Variants in CLYBL observed in about 807,000 individuals in gnomAD.
CLYBL encodes citramalyl-CoA lyase, also known as citramalyl-CoA lyase, mitochondrial.
CLYBL carries 31 observed loss-of-function variants against 38.9 expected under a neutral mutation model. The ratio of observed to expected loss-of-function variants is 0.80; its 90% CI spans 0.60 to 1.08. CLYBL has a LOEUF of 1.08. Ranked by LOEUF, CLYBL falls within the 50% of genes least tolerant of loss-of-function variation. The pLI, the probability that CLYBL is intolerant of heterozygous loss-of-function variation, is 0.00. For synonymous variants in CLYBL, 171 were observed against 158.6 expected (o/e 1.08, Z -0.59); for missense variants, 434 against 411.6 (o/e 1.05, Z -0.47).
chr13:99,702,764 G>A lies in CLYBL; in HGVS notation c.63-70060G>A, dbSNP rs188493734. Among the ~76,000 whole-genome samples the A allele has an allele frequency of 1.8e-3, 277 of 152,270 alleles. 1 individual carries two copies. The highest frequency in any genetic ancestry group is 6.3e-3 in the African/African-American group (261 of 41,554). On this transcript the variant is annotated intron_variant, in intron 1 of 8. Transcript: ENST00000339105. ...GGGCGAGGAGGAAAAAGATTAAGAT[G>A]CTCCTTGGAAAATAGCCCTTTTTGG...
chr13:99,693,504 C>T (rs72653912), intron 1 of CLYBL, among the ~76,000 whole-genome samples: 23,536 of 152,064 alleles, frequency 0.15, 2,104 homozygotes, highest in Non-Finnish European at 0.2. Flanking sequence ...TGCTGTGGGA[C>T]CTTCACCAGC....
chr13:99,854,504 G>A (rs895169159), intron 2 of CLYBL, among the ~76,000 whole-genome samples: 7 of 151,630 alleles, frequency 4.6e-5, no homozygotes, highest in Admixed American at 6.6e-5. Context: ...CTGCCGCCAC[G>A]GAGCTTGGTC....
intron 2 of CLYBL, among the ~76,000 whole-genome samples, chr13:99,829,894 A>C (rs749828610): frequency 9.2e-5 from 14 of 152,204 alleles, no homozygotes; most frequent in Non-Finnish European, 1.8e-4. Flanking sequence ...CACACTCAGG[A>C]AATATTGTTG....
intron 1 of CLYBL, among the ~76,000 whole-genome samples, chr13:99,715,086 G>A (rs2048292153): frequency 6.6e-6 from 1 of 152,192 alleles, no homozygotes; most frequent in African/African-American, 2.4e-5. Flanking sequence ...CCACATATCA[G>A]TGTCTGTAGG....
intron 2 of CLYBL, among the ~76,000 whole-genome samples, chr13:99,819,695 G>T (rs756781231): frequency 1.3e-5 from 2 of 151,546 alleles, no homozygotes; most frequent in Admixed American, 6.6e-5. Flanking sequence ...TGAAGGCCCC[G>T]CAGCCAGGAG....
At chr13:99,676,247 T>C (rs1419282256) in intron 1 of CLYBL, among the ~76,000 whole-genome samples, 2 of 151,212 alleles carry the variant, frequency 1.3e-5, no homozygotes, top group Non-Finnish European at 3.0e-5. Flanking sequence ...CTTTCCTCCC[T>C]TTCTTTTTCT....
chr13:99,837,914 C>T (rs532096422), intron 2 of CLYBL, among the ~76,000 whole-genome samples: 1 of 152,184 alleles, frequency 6.6e-6, no homozygotes, highest in African/African-American at 2.4e-5. Context: ...GCTTCTTAAC[C>T]ATAAATGAGA....
At chr13:99,901,660 TTG>T (rs2052646149), downstream of CLYBL, among the ~76,000 whole-genome samples, 2 of 108,460 alleles carry the variant, frequency 1.8e-5, no homozygotes, top group African/African-American at 8.4e-5. Context: ...TTTTTTTTGT[TTG>T]TTTGTTTGTT....
chr13:99,885,262 C>A (rs1236250986), intron 7 of CLYBL, among the ~76,000 whole-genome samples: 2 of 152,188 alleles, frequency 1.3e-5, no homozygotes, highest in African/African-American at 4.8e-5. Context: ...GGCCTCAAAA[C>A]ACTTCACAGA....
rs1178869414 is a variant in CLYBL, at chr13:99,787,807, C to T, written c.249+14797C>T. Among the ~76,000 whole-genome samples, 4 of 152,232 alleles carry T rather than the reference C, an allele frequency of 2.6e-5. No homozygotes were observed. The Middle Eastern group carries it at 0.01, about 388-fold the overall frequency. ...ACCTTGGGCAGTATGGCCATTTTCA[C>T]GATAAGATTCTTCCTATCCATGAGC... On this transcript the variant is annotated intron_variant, in intron 2 of 8. Transcript: ENST00000339105.
intron 1 of CLYBL, among the ~76,000 whole-genome samples, chr13:99,716,226 T>A (rs1489348751): frequency 3.7e-5 from 5 of 134,124 alleles, no homozygotes; most frequent in Non-Finnish European, 6.3e-5. Context: ...GGTCTCGCTA[T>A]GTTGCTCAGG....
At chr13:99,753,514 G>GT (rs1486453577) in intron 1 of CLYBL, among the ~76,000 whole-genome samples, 4 of 152,188 alleles carry the variant, frequency 2.6e-5, no homozygotes, top group African/African-American at 9.7e-5. Context: ...AGAGTAGGAT[G>GT]TAAGTCCCAT....
At chr13:99,785,553 TG>T (rs1365308857) in intron 2 of CLYBL, among the ~76,000 whole-genome samples, 4 of 151,914 alleles carry the variant, frequency 2.6e-5, no homozygotes, top group African/African-American at 9.7e-5. Flanking sequence ...CCCTTTTACC[TG>T]TTCTGGCTTA....
At chr13:99,897,477 T>C (rs1460988353), downstream of CLYBL, among the ~76,000 whole-genome samples, 1 of 151,864 alleles carries the variant, frequency 6.6e-6, no homozygotes, top group African/African-American at 2.4e-5. Context: ...ACTTCCAGAG[T>C]CAAGCTACCC....
intron 2 of CLYBL, among the ~76,000 whole-genome samples, chr13:99,851,603 A>G (rs1274939256): frequency 6.6e-6 from 1 of 152,194 alleles, no homozygotes; most frequent in East Asian, 1.9e-4. Context: ...TAGTCATGAG[A>G]GAAACACAAA....
intron 7 of CLYBL, chr13:99,884,897 A>AGTCC: frequency 4.4e-6 from 2 of 454,628 alleles, no homozygotes; most frequent in South Asian, 3.3e-5. Context: ...AGACAACTAC[A>AGTCC]GTCCCTTCCC....
intron 1 of CLYBL, among the ~76,000 whole-genome samples, chr13:99,670,403 C>T (rs1391999504): frequency 1.3e-5 from 2 of 152,184 alleles, no homozygotes; most frequent in African/African-American, 2.4e-5. Context: ...AAGTTCTTCA[C>T]CATCCAAGTT....
intron 1 of CLYBL, among the ~76,000 whole-genome samples, chr13:99,697,339 G>C (rs950742959): frequency 2.0e-5 from 3 of 152,080 alleles, no homozygotes; most frequent in African/African-American, 7.2e-5. Context: ...GTCTTCTTTC[G>C]TGCTGATGTT....
intron 1 of CLYBL, among the ~76,000 whole-genome samples, chr13:99,728,136 C>T (rs1205689412): frequency 2.6e-5 from 4 of 152,144 alleles, no homozygotes; most frequent in African/African-American, 9.7e-5. Context: ...TATTTCTTTT[C>T]ATGAGTTTTG....
Sources: gnomAD v4.1 joint callset for allele counts (sites outside exome capture counted in the v4.1 genomes callset) on GRCh38, gnomAD v4.1.1 for gene constraint, MANE v1.5 for transcripts, NCBI Gene and HGNC (gene_info 2026-07-23, HGNC 2026-07-21) for gene names.